The following GOSR1 variants were observed in gnomAD, a reference collection of about 807,000 sequenced individuals.
The protein encoded by GOSR1 is golgi SNAP receptor complex member 1, also known as 28 kDa Golgi SNARE protein.
GOSR1 carries 21 observed loss-of-function variants against 35.5 expected under a neutral mutation model. That is an observed-to-expected ratio of 0.59 (90% CI 0.42 to 0.85). GOSR1 has a LOEUF of 0.85. Among genes scored for constraint, GOSR1 ranks in the 40% least tolerant of loss-of-function variants. The pLI is 0.00. For missense variants in GOSR1, 285 were observed against 309.6 expected (o/e 0.92, Z 0.60); for synonymous variants, 94 against 106.6 (o/e 0.88, Z 0.73).
Position 30,506,806 on chromosome 17 carries a change from T to C in GOSR1, c.510-4074T>C, listed in dbSNP as rs565021244. ...GACAGCTGACTGTCTTTTTAGGTGCTGATACAGCTGGTGACTTTAAATTGA... is the reference window on the plus strand; with the variant it reads ...GACAGCTGACTGTCTTTTTAGGTGCCGATACAGCTGGTGACTTTAAATTGA... On this transcript the variant is annotated intron_variant, in intron 6 of 8. Transcript: ENST00000451249. Among the ~76,000 whole-genome samples, 9 of 152,366 alleles carry C rather than the reference T, an allele frequency of 5.9e-5. No individual in the cohort carries two copies. In the South Asian group the frequency reaches 1.9e-3, roughly 32 times the overall value.
chr17:30,522,321 C>T lies in GOSR1; in HGVS notation c.690C>T (p.Ile230=), dbSNP rs756857146. The change falls in exon 9 of 9, where the codon ATC becomes ATT. Residue 230 remains isoleucine (I), a synonymous_variant. Transcript: ENST00000451249. ...TGAGGAAGCGGCGGGACTCGCTCAT[C>T]CTAGGGGGTGTTATTGGGATCTGTA... The part of the protein sequence containing the change: ...INLRKRRDSL[I]LGGVIGICTI... The T allele has an allele frequency of 3.7e-6, 6 of 1,609,882 alleles. No individual in the cohort carries two copies. The highest frequency in any genetic ancestry group is 1.7e-4 in the Middle Eastern group (1 of 6,060).
chr17:30,518,180 A>G (rs572062526), intron 7 of GOSR1, among the ~76,000 whole-genome samples: 8 of 152,172 alleles, frequency 5.3e-5, no homozygotes, highest in Non-Finnish European at 1.2e-4. Flanking sequence ...AGGAAGCCCT[A>G]GGTCTTTGCC....
At chr17:30,505,370 A>C (rs1967362380) in intron 6 of GOSR1, among the ~76,000 whole-genome samples, 1 of 152,192 alleles carries the variant, frequency 6.6e-6, no homozygotes, top group Non-Finnish European at 1.5e-5. Context: ...ACAGCACTCC[A>C]GCCTGGGTGA....
intron 6 of GOSR1, among the ~76,000 whole-genome samples, chr17:30,501,182 A>G (rs1252887394): frequency 6.6e-6 from 1 of 152,134 alleles, no homozygotes; most frequent in East Asian, 1.9e-4. Context: ...GCCCGGCCAC[A>G]AAGAACTCTT....
chr17:30,484,098 T>G, intron 2 of GOSR1, 116 bp from the exon 3 acceptor site: 1 of 668,174 alleles, frequency 1.5e-6, no homozygotes, highest in Non-Finnish European at 2.7e-6. Context: ...TCACAGACCC[T>G]ATATAACATA....
chr17:30,480,370 C>T (rs564187581), intron 1 of GOSR1, among the ~76,000 whole-genome samples: 264 of 151,628 alleles, frequency 1.7e-3, no homozygotes, highest in Non-Finnish European at 2.8e-3. Flanking sequence ...GTTCATAAGC[C>T]TAATAAAGCT....
At chr17:30,514,410 G>T (rs1316838964) in intron 7 of GOSR1, among the ~76,000 whole-genome samples, 1 of 152,176 alleles carries the variant, frequency 6.6e-6, no homozygotes, top group Non-Finnish European at 1.5e-5. Context: ...TCCTGAGAAA[G>T]AACAGGAGGT....
rs1335964550 is a variant in GOSR1, at chr17:30,481,186, G to A, written c.75G>A (p.Leu25=). The A allele has an allele frequency of 6.2e-7, 1 of 1,600,906 alleles. No homozygotes were observed. The highest frequency in any genetic ancestry group is 1.7e-5 in the Admixed American group (1 of 60,000). ...QARQLENELD[L]KLVSFSKLCT... is the part of the protein sequence containing the mutation. Reference sequence around the variant, plus strand: ...GACAGCTGGAAAATGAACTTGACCTGAAACTAGTTTCCTTCAGCAAACTAT... The same window carrying A: ...GACAGCTGGAAAATGAACTTGACCTAAAACTAGTTTCCTTCAGCAAACTAT... The change falls in exon 2 of 9, where the codon CTG becomes CTA. Residue 25 remains leucine (L), a synonymous_variant. Coordinates refer to ENST00000451249, the MANE Select transcript of GOSR1 (RefSeq NM_001007025.2).
At chr17:30,511,246 G>A (rs2143854644) in intron 7 of GOSR1, among the ~76,000 whole-genome samples, 1 of 152,248 alleles carries the variant, frequency 6.6e-6, no homozygotes, top group East Asian at 1.9e-4. Flanking sequence ...ATAACTTTAT[G>A]CCATTCATAT....
chr17:30,509,853 A>G (rs544791971), intron 6 of GOSR1, among the ~76,000 whole-genome samples: 2 of 152,324 alleles, frequency 1.3e-5, no homozygotes, highest in Non-Finnish European at 2.9e-5. Context: ...TAAGATGTAA[A>G]TATTTACTAC....
In GOSR1 at chr17:30,518,579, T is replaced by C. The variant is rs180782246; in HGVS notation, c.540-1360T>C. Among the ~76,000 whole-genome samples, 40 of 152,294 alleles carry C rather than the reference T, an allele frequency of 2.6e-4. No individual in the cohort carries two copies. In the East Asian group the frequency reaches 6.4e-3, roughly 24 times the overall value. ...CTGACCCTGCCCTCTAGGGCTCTAA[T>C]GTCCAGAGAGATAAGACTATGGGAA... On this transcript the variant is annotated intron_variant, in intron 7 of 8. Coordinates refer to ENST00000451249, the MANE Select transcript of GOSR1 (RefSeq NM_001007025.2).
chr17:30,484,153 T>TA (rs1246726336), intron 2 of GOSR1, 61 bp from the exon 3 acceptor site: 21 of 838,058 alleles, frequency 2.5e-5, no homozygotes, highest in Non-Finnish European at 4.2e-5. Flanking sequence ...CTTATTATTT[T>TA]AAGTATGTTT....
chr17:30,486,065 A>G (rs1914664900), intron 4 of GOSR1, among the ~76,000 whole-genome samples: 1 of 152,048 alleles, frequency 6.6e-6, no homozygotes, highest in Admixed American at 6.6e-5. Flanking sequence ...ATACTTTAAT[A>G]CAAAAATGTA....
intron 6 of GOSR1, among the ~76,000 whole-genome samples, chr17:30,497,136 G>T (rs1209909316): frequency 6.6e-6 from 1 of 152,114 alleles, no homozygotes; most frequent in East Asian, 1.9e-4. Flanking sequence ...TGCCTGTAAA[G>T]CCTGTAATCT....
At position 30,524,261 on chromosome 17, in the gene GOSR1, T is replaced by G. The variant is rs1194399946; in HGVS notation, c.*1883T>G. On this transcript the variant is annotated 3_prime_UTR_variant, in exon 9 of 9. Coordinates refer to ENST00000451249, the MANE Select transcript of GOSR1 (RefSeq NM_001007025.2). Reference sequence around the variant, plus strand: ...TAATTCTTGTCCTCTTATTTTACACTCATAATGAGAAATCACAAGTTCTTT... The same window carrying G: ...TAATTCTTGTCCTCTTATTTTACACGCATAATGAGAAATCACAAGTTCTTT... 1 of 152,224 alleles carries G rather than the reference T, an allele frequency of 6.6e-6. No individual in the cohort carries two copies. Among genetic ancestry groups the G allele is most frequent in the Non-Finnish European group, 1.5e-5 (1 of 68,084 alleles). 9.4% of individuals were successfully genotyped at this position (152,224 alleles called of 1,614,324 possible).
intron 4 of GOSR1, among the ~76,000 whole-genome samples, 169 bp from the exon 5 acceptor site, chr17:30,489,957 T>C (rs935370653): frequency 1.3e-5 from 2 of 152,222 alleles, no homozygotes; most frequent in Non-Finnish European, 2.9e-5. Context: ...AAGAAGTTGG[T>C]CACTCTTCAG....
intron 4 of GOSR1, 129 bp downstream of exon 4, chr17:30,484,899 A>G (rs1299456352): frequency 1.4e-6 from 1 of 704,124 alleles, no homozygotes; most frequent in East Asian, 2.7e-5. Flanking sequence ...AATAAATGCC[A>G]TGCTAAAGGG....
chr17:30,521,289 CCTCCCG>C (rs1968025409), intron 8 of GOSR1, among the ~76,000 whole-genome samples: 1 of 149,690 alleles, frequency 6.7e-6, no homozygotes, highest in Admixed American at 6.7e-5. Context: ...TTCATGCAGT[CCTCCCG>C]CCTCAGCCTT....
chr17:30,511,673 G>A (rs915849171), intron 7 of GOSR1, among the ~76,000 whole-genome samples: 4 of 152,004 alleles, frequency 2.6e-5, no homozygotes, highest in African/African-American at 9.7e-5. Context: ...GGGATTTCAG[G>A]TGTGTCCCAC....
Sources: gnomAD v4.1 joint callset for allele counts (sites outside exome capture counted in the v4.1 genomes callset) on GRCh38, gnomAD v4.1.1 for gene constraint, MANE v1.5 for transcripts, NCBI Gene and HGNC (gene_info 2026-07-23, HGNC 2026-07-21) for gene names.